MRM1: variants seen among roughly 807,000 people sequenced by gnomAD.
The protein encoded by MRM1 is mitochondrial rRNA methyltransferase 1.
Under a neutral mutation model 25.0 loss-of-function variants are expected in MRM1, and 24 were observed. The observed-to-expected ratio is 0.96, with a 90% CI of 0.69 to 1.35. The LOEUF (loss-of-function observed/expected upper bound fraction) is 1.35, where lower values mean the gene tolerates loss of function less well. MRM1 is among the 40% of genes most tolerant of loss of function. MRM1 has a pLI of 0.00. For missense variants in MRM1, 431 were observed against 464.1 expected (o/e 0.93, Z 0.65); for synonymous variants, 188 against 199.2 (o/e 0.94, Z 0.47).
At chr17:36,613,826 G>A (rs922405926), downstream of MRM1, among the ~76,000 whole-genome samples, 11 of 151,772 alleles carry the variant, frequency 7.2e-5, no homozygotes, top group East Asian at 1.9e-3. Context: ...AGTTCTCGGT[G>A]GGTCAGAAGT....
intron 2 of MRM1, among the ~76,000 whole-genome samples, chr17:36,604,888 C>T (rs2074914486): frequency 6.6e-6 from 1 of 151,512 alleles, no homozygotes; most frequent in Admixed American, 6.6e-5. Context: ...GCCTATAATC[C>T]TAGAACTTTG....
downstream of MRM1, among the ~76,000 whole-genome samples, chr17:36,609,817 A>G (rs2074964261): frequency 6.6e-6 from 1 of 152,268 alleles, no homozygotes; most frequent in Non-Finnish European, 1.5e-5. Context: ...TTAGGTGCTC[A>G]ATAAATAGTA....
chr17:36,610,378 G>A (rs541056580), downstream of MRM1, among the ~76,000 whole-genome samples: 77 of 151,918 alleles, frequency 5.1e-4, no homozygotes, highest in East Asian at 0.013. Context: ...GACTACAGGC[G>A]CCCGCCACCA....
chr17:36,608,335 G>A lies in MRM1; in HGVS notation c.982G>A (p.Ala328Thr), dbSNP rs1260893267. ...QLLQDPQEPS[A>T]RSEGLSMAQH... ...TCTCCAAGACCCCCAAGAACCCTCA[G>A]CCAGGTCTGAAGGGCTCAGCATGGC... The change falls in exon 5 of 5, where the codon GCC becomes ACC. Residue 328 changes from alanine to threonine, a missense_variant. Ala to Thr is a moderately conservative substitution (Grantham distance 58). Coordinates refer to ENST00000614766, the MANE Select transcript of MRM1 (RefSeq NM_024864.5). 1.9e-6 allele frequency: 3 copies of A among 1,611,532 alleles called. No individual in the cohort carries two copies. The African/African-American group carries it at 4.0e-5, about 22-fold the overall frequency.
downstream of MRM1, among the ~76,000 whole-genome samples, chr17:36,611,021 C>T (rs1436357101): frequency 6.6e-6 from 1 of 152,130 alleles, no homozygotes; most frequent in Non-Finnish European, 1.5e-5. Flanking sequence ...TCCATGTTGG[C>T]CAGGCTGGTC....
chr17:36,625,634 G>A, the MRM1 span, among the ~76,000 whole-genome samples: 807 of 151,886 alleles, frequency 5.3e-3, 4 homozygotes, highest in Middle Eastern at 0.01. Context: ...GCTAATTTTT[G>A]TATTTTTAGT....
chr17:36,611,059 C>T (rs543763812), downstream of MRM1, among the ~76,000 whole-genome samples: 1 of 152,348 alleles, frequency 6.6e-6, no homozygotes, highest in Non-Finnish European at 1.5e-5. Flanking sequence ...AGGTGATCTG[C>T]CCGCCTTGGC....
At chr17:36,626,652 C>T in the MRM1 span, among the ~76,000 whole-genome samples, 2 of 152,318 alleles carry the variant, frequency 1.3e-5, no homozygotes, top group Non-Finnish European at 2.9e-5. Flanking sequence ...TGAGCTACTG[C>T]ACCCAACTGA....
chr17:36,625,233 C>T, the MRM1 span, among the ~76,000 whole-genome samples: 7 of 152,164 alleles, frequency 4.6e-5, no homozygotes, highest in Non-Finnish European at 1.0e-4. Flanking sequence ...TTCAATAACT[C>T]CCTATTGCCT....
chr17:36,612,905 C>G (rs1196550071), downstream of MRM1, among the ~76,000 whole-genome samples: 3 of 152,102 alleles, frequency 2.0e-5, no homozygotes, highest in Non-Finnish European at 2.9e-5. Flanking sequence ...GTTGTGCTTC[C>G]CAACCAACCT....
chr17:36,623,828 T>C, the MRM1 span, among the ~76,000 whole-genome samples: 1 of 152,100 alleles, frequency 6.6e-6, no homozygotes, highest in African/African-American at 2.4e-5. Flanking sequence ...GCCAGATTCA[T>C]TCCCTTGCTG....
At position 36,602,790 on chromosome 17, in the gene MRM1, G is replaced by C. The variant is rs1273512189; in HGVS notation, c.636+144G>C. On this transcript the variant is annotated intron_variant, in intron 2 of 4. Transcript: ENST00000614766. The surrounding 1 kb of genome is among the most constrained non-coding windows in gnomAD (Gnocchi z 4.1). ...TTCTAAATCCCTCTGGGGATGGAAG[G>C]GTCCTGGAGTTTTTAAAACGGCAAA... is the stretch of plus-strand genomic sequence containing the variant. 4.1e-6 allele frequency: 5 copies of C among 1,222,700 alleles called. No individual in the cohort carries two copies. The highest frequency in any genetic ancestry group is 1.5e-5 in the African/African-American group (1 of 65,698). 75.7% of individuals were successfully genotyped at this position (1,222,700 alleles called of 1,614,324 possible).
chr17:36,610,862 G>A (rs1346900332), downstream of MRM1, among the ~76,000 whole-genome samples: 1 of 152,120 alleles, frequency 6.6e-6, no homozygotes, highest in East Asian at 1.9e-4. Context: ...TGCCCAGACT[G>A]GAGTGCAGTG....
At chr17:36,618,639 TGGGTGC>T in the MRM1 span, among the ~76,000 whole-genome samples, 1 of 152,128 alleles carries the variant, frequency 6.6e-6, no homozygotes, top group African/African-American at 2.4e-5. Flanking sequence ...AAATAGAGGC[TGGGTGC>T]CACTGGGAGC....
chr17:36,610,325 C>G (rs142884029), downstream of MRM1, among the ~76,000 whole-genome samples: 3 of 151,656 alleles, frequency 2.0e-5, no homozygotes, highest in Admixed American at 2.0e-4. Flanking sequence ...CTCTGCCTTC[C>G]GAGTTCATGC....
downstream of MRM1, among the ~76,000 whole-genome samples, chr17:36,611,292 TG>T (rs2074975453): frequency 1.3e-5 from 2 of 152,254 alleles, no homozygotes; most frequent in Admixed American, 1.3e-4. Flanking sequence ...TTCCGGAAGG[TG>T]CTCATTCCAG....
chr17:36,613,239 C>CG (rs2074987431), downstream of MRM1, among the ~76,000 whole-genome samples: 1 of 151,504 alleles, frequency 6.6e-6, no homozygotes, highest in African/African-American at 2.4e-5. Flanking sequence ...CAGCACACCT[C>CG]CCACCCCCGC....
downstream of MRM1, among the ~76,000 whole-genome samples, chr17:36,610,125 A>G (rs2074966967): frequency 1.3e-5 from 2 of 151,390 alleles, no homozygotes; most frequent in South Asian, 2.1e-4. Flanking sequence ...ATGGGGTTTC[A>G]CTGTGTTGGC....
chr17:36,613,479 T>C (rs1234516945), downstream of MRM1, among the ~76,000 whole-genome samples: 1 of 152,174 alleles, frequency 6.6e-6, no homozygotes, highest in Non-Finnish European at 1.5e-5. Context: ...GCAGGGGTCT[T>C]CCCTGCAACC....
Sources: gnomAD v4.1 joint callset for allele counts (sites outside exome capture counted in the v4.1 genomes callset) on GRCh38, gnomAD v4.1.1 for gene constraint, Gnocchi (gnomAD v3.1) non-coding constraint, MANE v1.5 for transcripts, NCBI Gene and HGNC (gene_info 2026-07-23, HGNC 2026-07-21) for gene names.